COL10A1: variants seen among roughly 807,000 people sequenced by gnomAD.
The protein encoded by COL10A1 is collagen alpha-1(X) chain.
In COL10A1, 10 loss-of-function variants were observed where a neutral mutation model predicts 18.2. The ratio of observed to expected loss-of-function variants is 0.55; its 90% CI spans 0.34 to 0.93. COL10A1 has a LOEUF of 0.93. Ranked by LOEUF, COL10A1 falls within the 40% of genes least tolerant of loss-of-function variation. The probability of loss-of-function intolerance (pLI) is 0.02; values close to 1 mark genes in which losing one functional copy is unlikely to be tolerated. For missense variants in COL10A1, 897 were observed against 853.5 expected (o/e 1.05, Z -0.64); for synonymous variants, 330 against 316.6 (o/e 1.04, Z -0.45).
At chr6:116,211,111 C>T in the COL10A1 span, among the ~76,000 whole-genome samples, 1 of 152,072 alleles carries the variant, frequency 6.6e-6, no homozygotes, top group South Asian at 2.1e-4. Flanking sequence ...CCCACCGCCA[C>T]TTAAGAAGTC....
the COL10A1 span, among the ~76,000 whole-genome samples, chr6:116,198,927 G>A: frequency 7.2e-5 from 11 of 151,992 alleles, no homozygotes; most frequent in Non-Finnish European, 1.0e-4. Context: ...GTGTAAATTA[G>A]ATGAAGAATC....
chr6:116,129,596 A>G (rs1428340236), upstream of COL10A1, among the ~76,000 whole-genome samples: 1 of 152,116 alleles, frequency 6.6e-6, no homozygotes, highest in Non-Finnish European at 1.5e-5. Context: ...ATGCGATACT[A>G]CAGCATGAAC....
chr6:116,138,034 C>T (rs1181140018), intron 1 of COL10A1, among the ~76,000 whole-genome samples: 1 of 151,340 alleles, frequency 6.6e-6, no homozygotes, highest in African/African-American at 2.5e-5. Flanking sequence ...GCCAAGATCA[C>T]ACCACTGCAC....
At chr6:116,162,013 A>G (rs1006918668), upstream of COL10A1, among the ~76,000 whole-genome samples, 13 of 152,004 alleles carry the variant, frequency 8.6e-5, no homozygotes, top group Admixed American at 3.3e-4. Flanking sequence ...ATGTATTCCT[A>G]GATAGTCTAT....
At chr6:116,187,178 C>T in the COL10A1 span, among the ~76,000 whole-genome samples, 1 of 152,014 alleles carries the variant, frequency 6.6e-6, no homozygotes, top group Non-Finnish European at 1.5e-5. Context: ...TGATCTGGTA[C>T]TGGGAAGTGT....
chr6:116,174,193 T>A, the COL10A1 span, among the ~76,000 whole-genome samples: 1 of 152,200 alleles, frequency 6.6e-6, no homozygotes, highest in South Asian at 2.1e-4. Flanking sequence ...TTGCCATGTT[T>A]CTCTACTGTA....
At chr6:116,174,435 A>G in the COL10A1 span, among the ~76,000 whole-genome samples, 1 of 152,240 alleles carries the variant, frequency 6.6e-6, no homozygotes, top group Non-Finnish European at 1.5e-5. Flanking sequence ...AAAAGACGAT[A>G]TGCATGATTA....
chr6:116,145,467 G>C (rs971718066), intron 1 of COL10A1: 1 of 383,920 alleles, frequency 2.6e-6, no homozygotes, highest in Admixed American at 2.4e-5. Flanking sequence ...CTTGCTTCAG[G>C]ATATATCTAC....
upstream of COL10A1, among the ~76,000 whole-genome samples, chr6:116,161,264 T>C (rs1780323861): frequency 6.6e-6 from 1 of 151,344 alleles, no homozygotes; most frequent in Non-Finnish European, 1.5e-5. Flanking sequence ...GTGGGTACAG[T>C]GCACCAGCAT....
chr6:116,158,420 T>C (rs1297830831), intron 1 of COL10A1, among the ~76,000 whole-genome samples: 2 of 152,206 alleles, frequency 1.3e-5, no homozygotes. Flanking sequence ...ATTTAACCTT[T>C]GCTTAGTGAA....
At chr6:116,188,704 T>C in the COL10A1 span, among the ~76,000 whole-genome samples, 1 of 115,072 alleles carries the variant, frequency 8.7e-6, no homozygotes, top group East Asian at 2.1e-4. Flanking sequence ...GGAAATTTTC[T>C]ACTTTTTTTT....
intron 1 of COL10A1, among the ~76,000 whole-genome samples, chr6:116,131,294 G>A (rs1470116755): frequency 6.6e-6 from 1 of 152,084 alleles, no homozygotes; most frequent in Non-Finnish European, 1.5e-5. Flanking sequence ...ATTCAGAGAA[G>A]GGTAGCCTCT....
chr6:116,120,126 A>G lies in COL10A1; in HGVS notation c.1990T>C (p.Ser664Pro), dbSNP rs772699212. The G allele has an allele frequency of 9.3e-6, 15 of 1,613,982 alleles. No individual in the cohort carries two copies. The highest frequency in any genetic ancestry group is 1.0e-5 in the Non-Finnish European group (12 of 1,180,032). ...LPNAESNGLYSSEYVHSSFSG... is the reference protein window; with the variant it reads ...LPNAESNGLYPSEYVHSSFSG... The stretch of plus-strand genomic sequence containing the variant: ...AAAGAGGAGTGGACATACTCAGAGG[A>G]GTATAGGCCATTTGACTCGGCATTG... Residue 664 changes from serine (S) to proline (P), a missense_variant, in exon 3 of 3, where the codon TCC (serine) becomes CCC (proline). Transcript: ENST00000651968.
At chr6:116,147,971 C>T (rs1196605222) in intron 1 of COL10A1, among the ~76,000 whole-genome samples, 4 of 148,536 alleles carry the variant, frequency 2.7e-5, no homozygotes, top group African/African-American at 7.5e-5. Context: ...GGCGACAGAG[C>T]GAGACTCTGT....
the COL10A1 span, among the ~76,000 whole-genome samples, chr6:116,215,808 A>G: frequency 6.6e-6 from 1 of 152,174 alleles, no homozygotes; most frequent in Non-Finnish European, 1.5e-5. Context: ...AACTATTACA[A>G]TACATATGTA....
upstream of COL10A1, among the ~76,000 whole-genome samples, chr6:116,159,340 C>T (rs1257313627): frequency 1.3e-5 from 2 of 152,108 alleles, no homozygotes; most frequent in East Asian, 3.8e-4. Context: ...ACTTTCAAGT[C>T]ATTATTTCTG....
the COL10A1 span, among the ~76,000 whole-genome samples, chr6:116,174,807 A>G: frequency 1.3e-5 from 2 of 152,174 alleles, no homozygotes; most frequent in East Asian, 1.9e-4. Context: ...ATCCACTGGT[A>G]CCATAAAGCA....
the COL10A1 span, among the ~76,000 whole-genome samples, chr6:116,207,441 C>CATATATATA: frequency 6.6e-6 from 1 of 151,738 alleles, no homozygotes; most frequent in South Asian, 2.1e-4. Flanking sequence ...TAGGTAAAGA[C>CATATATATA]TAAGTTTATA....
the COL10A1 span, among the ~76,000 whole-genome samples, chr6:116,165,096 C>CGAAAA: frequency 1.3e-4 from 3 of 22,408 alleles, no homozygotes; most frequent in African/African-American, 2.6e-3. Context: ...GACTCCGTCT[C>CGAAAA]AGAAAAAAAA....
Sources: allele counts gnomAD v4.1 joint callset (sites outside exome capture counted in the v4.1 genomes callset), GRCh38; gene constraint gnomAD v4.1.1; transcripts MANE v1.5; gene names NCBI Gene and HGNC (gene_info 2026-07-23, HGNC 2026-07-21).